Variants in NDST4 observed in about 807,000 individuals in gnomAD.
NDST4 encodes N-deacetylase and N-sulfotransferase 4, also known as N-heparan sulfate sulfotransferase 4.
A neutral mutation model predicts 100.8 loss-of-function variants in NDST4; 63 were observed. That is an observed-to-expected ratio of 0.62 (90% confidence interval 0.51 to 0.77). NDST4 has a LOEUF of 0.77. Among genes scored for constraint, NDST4 ranks in the 30% least tolerant of loss-of-function variants. The probability of loss-of-function intolerance (pLI) is 0.00; values close to 1 mark genes in which losing one functional copy is unlikely to be tolerated. For synonymous variants in NDST4, 377 were observed against 361.8 expected (o/e 1.04, Z -0.48); for missense variants, 943 against 1,018.4 (o/e 0.93, Z 1.01).
intron 2 of NDST4, among the ~76,000 whole-genome samples, chr4:114,977,714 C>T (rs1462577163): frequency 2.0e-5 from 3 of 151,854 alleles, no homozygotes; most frequent in Non-Finnish European, 4.4e-5. Flanking sequence ...AACTGGGCCA[C>T]CTCCCTCATC....
At chr4:114,853,096 G>C (rs1723715033) in intron 7 of NDST4, among the ~76,000 whole-genome samples, 2 of 151,998 alleles carry the variant, frequency 1.3e-5, no homozygotes, top group Non-Finnish European at 1.5e-5. Flanking sequence ...TCTATTTCTT[G>C]GTTTATGTTT....
chr4:115,099,858 C>A (rs1326773682), intron 1 of NDST4, among the ~76,000 whole-genome samples: 2 of 152,124 alleles, frequency 1.3e-5, no homozygotes, highest in Non-Finnish European at 2.9e-5. Context: ...AATTTGCACA[C>A]AGATGTTTTA....
At chr4:115,040,155 T>C (rs1303797326) in intron 2 of NDST4, among the ~76,000 whole-genome samples, 2 of 151,642 alleles carry the variant, frequency 1.3e-5, no homozygotes, top group Admixed American at 6.6e-5. Context: ...TTTTAGTGAA[T>C]TTTTCTTTGA....
At chr4:114,900,234 G>A (rs56831841) in intron 6 of NDST4, among the ~76,000 whole-genome samples, 44 of 150,962 alleles carry the variant, frequency 2.9e-4, no homozygotes, top group African/African-American at 1.0e-3. Flanking sequence ...TTTTCTCAGC[G>A]TAACTATAGG....
Position 115,076,059 on chromosome 4 carries a change from C to T in NDST4, c.978G>A (p.Lys326=). The T allele has an allele frequency of 6.2e-7, 1 of 1,600,974 alleles. No homozygotes were observed. Among genetic ancestry groups the T allele is most frequent in the Non-Finnish European group, 8.5e-7 (1 of 1,173,420 alleles). The change falls in exon 2 of 14, where the codon AAG becomes AAA. Residue 326 remains lysine (K), a splice_region_variant and synonymous_variant. Transcript: ENST00000264363. ...CGATGTTGTCTATAAATAAGCTTAC[C>T]TTCACATCTTTGACATTCATCCTTG... ...EGTRMNVKDV[K]ALLETQNLLR... is the part of the protein sequence containing the mutation.
intron 4 of NDST4, among the ~76,000 whole-genome samples, chr4:114,963,102 C>T (rs529345773): frequency 3.3e-5 from 5 of 152,166 alleles, no homozygotes; most frequent in African/African-American, 9.6e-5. Flanking sequence ...AAAACTTGCA[C>T]CTGAATGCTC....
At chr4:114,906,516 T>C (rs548563644) in intron 6 of NDST4, among the ~76,000 whole-genome samples, 2 of 151,934 alleles carry the variant, frequency 1.3e-5, no homozygotes, top group Non-Finnish European at 2.9e-5. Context: ...CCATTCTGTC[T>C]CTCTAGTTCA....
At chr4:115,004,852 T>C (rs903259459) in intron 2 of NDST4, among the ~76,000 whole-genome samples, 4 of 152,152 alleles carry the variant, frequency 2.6e-5, no homozygotes, top group African/African-American at 9.7e-5. Context: ...GTTTAGCTTT[T>C]TCTACCACAA....
intron 2 of NDST4, among the ~76,000 whole-genome samples, chr4:115,025,089 G>GTTCATTATAAATTACCA (rs1271351684): frequency 1.3e-5 from 1 of 75,118 alleles, no homozygotes; most frequent in Admixed American, 1.4e-4. Context: ...ATAAATTTCT[G>GTTCATTATAAATTACCA]TTCATTATAA....
intron 6 of NDST4, among the ~76,000 whole-genome samples, chr4:114,919,632 G>T (rs1186121703): frequency 6.6e-6 from 1 of 152,206 alleles, no homozygotes; most frequent in Non-Finnish European, 1.5e-5. Flanking sequence ...GGGCGGCAGA[G>T]GGCCAGGTCA....
intron 7 of NDST4, among the ~76,000 whole-genome samples, chr4:114,856,374 T>G (rs1053396148): frequency 6.6e-6 from 1 of 152,204 alleles, no homozygotes; most frequent in Non-Finnish European, 1.5e-5. Flanking sequence ...AAGCAAATTT[T>G]CAGCTCTAAT....
chr4:114,977,062 T>C (rs1726654186), intron 3 of NDST4, 125 bp downstream of exon 3: 3 of 653,534 alleles, frequency 4.6e-6, no homozygotes, highest in Non-Finnish European at 5.3e-6. Context: ...ATTTGGCTAC[T>C]CAAATAATGT....
intron 6 of NDST4, among the ~76,000 whole-genome samples, chr4:114,925,044 C>T (rs1725361491): frequency 6.6e-6 from 1 of 151,824 alleles, no homozygotes; most frequent in Non-Finnish European, 1.5e-5. Context: ...TCCTAGGTCT[C>T]CAAGTTAGAA....
intron 2 of NDST4, among the ~76,000 whole-genome samples, chr4:115,021,384 A>T (rs1288333638): frequency 6.7e-6 from 1 of 150,318 alleles, no homozygotes; most frequent in Non-Finnish European, 1.5e-5. Context: ...TATATATTCC[A>T]TATATATACA....
chr4:114,902,798 T>C (rs72904945), intron 6 of NDST4, among the ~76,000 whole-genome samples: 22,981 of 151,944 alleles, frequency 0.15, 2,099 homozygotes, highest in African/African-American at 0.26. Flanking sequence ...TTGAAGATTT[T>C]ACTGAGATAT....
chr4:115,048,847 C>T (rs983212331), intron 2 of NDST4, among the ~76,000 whole-genome samples: 30 of 151,906 alleles, frequency 2.0e-4, no homozygotes, highest in African/African-American at 6.0e-4. Flanking sequence ...ACATGTTGGC[C>T]AGGCTGGTCT....
intron 6 of NDST4, among the ~76,000 whole-genome samples, chr4:114,919,343 T>C (rs896600930): frequency 3.3e-5 from 5 of 152,014 alleles, no homozygotes; most frequent in Non-Finnish European, 5.9e-5. Context: ...GTAAATGCTA[T>C]GAAAAAATAA....
At chr4:115,072,698 A>T (rs1173264393) in intron 2 of NDST4, among the ~76,000 whole-genome samples, 1 of 151,994 alleles carries the variant, frequency 6.6e-6, no homozygotes, top group African/African-American at 2.4e-5. Flanking sequence ...AAAATAGATG[A>T]AAGACTTAAT....
At position 115,007,873 on chromosome 4, in the gene NDST4, C is replaced by G. The variant is rs369232198; in HGVS notation, c.979-30599G>C. 6.2e-5 allele frequency among the ~76,000 whole-genome samples: 8 copies of G among 129,596 alleles called. 2 individuals carry two copies. The East Asian group carries it at 1.3e-3, about 20-fold the overall frequency. The allele number at this position is 129,596 out of a possible 152,430, so 85.0% of individuals were successfully genotyped here. Reference sequence around the variant, plus strand: ...CTCTCTGGGCTCTGTTTGCATTGCTCCTGAAAGGATCTGAGGCCTGAGTAA... The same window carrying G: ...CTCTCTGGGCTCTGTTTGCATTGCTGCTGAAAGGATCTGAGGCCTGAGTAA... On this transcript the variant is annotated intron_variant, in intron 2 of 13. Transcript: ENST00000264363.
Sources: gnomAD v4.1 joint callset for allele counts (sites outside exome capture counted in the v4.1 genomes callset) on GRCh38, gnomAD v4.1.1 for gene constraint, MANE v1.5 for transcripts, NCBI Gene and HGNC (gene_info 2026-07-23, HGNC 2026-07-21) for gene names.